The following CALCRL variants were observed in gnomAD, a reference collection of about 807,000 sequenced individuals.
CALCRL encodes calcitonin receptor like receptor.
In CALCRL, 27 loss-of-function variants were observed where a neutral mutation model predicts 60.4. The observed-to-expected ratio is 0.45, with a 90% CI of 0.33 to 0.62. The LOEUF is 0.62. Among genes scored for constraint, CALCRL ranks in the 20% least tolerant of loss-of-function variants. CALCRL has a pLI of 0.03. For missense variants in CALCRL, 424 were observed against 540.7 expected, an observed-to-expected ratio of 0.78 and a Z score of 2.14; for synonymous variants, 190 against 182.6, an observed-to-expected ratio of 1.04 and a Z score of -0.33.
At chr2:187,405,344 A>G (rs1689069974) in intron 1 of CALCRL, among the ~76,000 whole-genome samples, 1 of 152,018 alleles carries the variant, frequency 6.6e-6, no homozygotes, top group African/African-American at 2.4e-5. Flanking sequence ...GTAGGATTTT[A>G]ACATATTTTA....
Position 187,442,326 on chromosome 2 carries a change from A to G in CALCRL, c.-293+5713T>C, listed in dbSNP as rs988537774. ...GCTAACAAAAAGGAGATCCTATGAA[A>G]CTCATGCAACTGTAAGCAAAATGAG... is the stretch of plus-strand genomic sequence containing the variant. On this transcript the variant is annotated intron_variant, in intron 1 of 14. Coordinates refer to ENST00000392370, the MANE Select transcript of CALCRL (RefSeq NM_005795.6). Among the ~76,000 whole-genome samples the G allele has an allele frequency of 2.7e-5, 4 of 150,794 alleles. No homozygotes were observed. The Admixed American group carries it at 2.7e-4, about 10-fold the overall frequency.
chr2:187,439,566 T>C (rs1480958395), intron 1 of CALCRL, among the ~76,000 whole-genome samples: 2 of 151,974 alleles, frequency 1.3e-5, no homozygotes, highest in Non-Finnish European at 2.9e-5. Flanking sequence ...ATGATTAGTA[T>C]TACAGGAAAA....
intron 1 of CALCRL, among the ~76,000 whole-genome samples, chr2:187,410,886 G>A (rs771629200): frequency 3.3e-5 from 5 of 152,018 alleles, no homozygotes; most frequent in Non-Finnish European, 5.9e-5. Flanking sequence ...TGTTGGTGTC[G>A]GGGCAGGGGG....
intron 1 of CALCRL, among the ~76,000 whole-genome samples, chr2:187,394,913 T>A (rs1688596895): frequency 6.6e-6 from 1 of 152,062 alleles, no homozygotes; most frequent in Non-Finnish European, 1.5e-5. Flanking sequence ...ATAATGCTAA[T>A]CAATGCCTGG....
chr2:187,361,460 T>C (rs1240386285), intron 9 of CALCRL, among the ~76,000 whole-genome samples: 1 of 151,922 alleles, frequency 6.6e-6, no homozygotes, highest in Non-Finnish European at 1.5e-5. Context: ...TTCCCAAAAA[T>C]ACATGACCTG....
At chr2:187,404,242 C>G (rs1689018518) in intron 1 of CALCRL, among the ~76,000 whole-genome samples, 2 of 151,796 alleles carry the variant, frequency 1.3e-5, no homozygotes, top group African/African-American at 4.8e-5. Context: ...GACTGTCCCT[C>G]CCTCACCGAA....
chr2:187,391,714 C>A (rs1218776681), intron 1 of CALCRL, among the ~76,000 whole-genome samples: 1 of 151,914 alleles, frequency 6.6e-6, no homozygotes, highest in Non-Finnish European at 1.5e-5. Flanking sequence ...ATTTTAAAAG[C>A]CCTTTATTTC....
At chr2:187,439,126 A>G (rs1690777836) in intron 1 of CALCRL, among the ~76,000 whole-genome samples, 1 of 152,166 alleles carries the variant, frequency 6.6e-6, no homozygotes, top group Non-Finnish European at 1.5e-5. Flanking sequence ...TATTAGTGAA[A>G]TGAAAATCAG....
intron 1 of CALCRL, among the ~76,000 whole-genome samples, chr2:187,410,794 T>G (rs1289389937): frequency 6.6e-6 from 1 of 152,096 alleles, no homozygotes; most frequent in African/African-American, 2.4e-5. Context: ...GAGGTGCATG[T>G]GGGCCTTGAT....
chr2:187,393,034 A>G (rs1688514133), intron 1 of CALCRL, among the ~76,000 whole-genome samples: 1 of 152,158 alleles, frequency 6.6e-6, no homozygotes, highest in Admixed American at 6.6e-5. Context: ...TTATAACTCA[A>G]GCTGTATGTC....
chr2:187,371,110 C>T (rs1476075593), intron 8 of CALCRL, among the ~76,000 whole-genome samples: 6 of 152,002 alleles, frequency 3.9e-5, no homozygotes, highest in African/African-American at 1.4e-4. Context: ...GGCATGGTGG[C>T]GGGCTCCTGC....
At chr2:187,405,965 G>A (rs1485231497) in intron 1 of CALCRL, among the ~76,000 whole-genome samples, 1 of 70,394 alleles carries the variant, frequency 1.4e-5, no homozygotes, top group African/African-American at 4.7e-5. Flanking sequence ...GTAGGGGTGT[G>A]TGTGTGTGTG....
At chr2:187,394,374 C>T (rs530466736) in intron 1 of CALCRL, among the ~76,000 whole-genome samples, 1 of 152,120 alleles carries the variant, frequency 6.6e-6, no homozygotes, top group East Asian at 1.9e-4. Flanking sequence ...AAGAAACAAG[C>T]CAAGGCAACA....
intron 14 of CALCRL, among the ~76,000 whole-genome samples, chr2:187,349,485 T>A: frequency 6.6e-6 from 1 of 151,710 alleles, no homozygotes; most frequent in East Asian, 1.9e-4. Context: ...TGTTTCTTCA[T>A]GTTATGAGAG....
chr2:187,369,049 TATTTCAACCAAGGTGCTCAATG>T (rs750555679), intron 8 of CALCRL, among the ~76,000 whole-genome samples: 22 of 152,064 alleles, frequency 1.4e-4, no homozygotes, highest in Non-Finnish European at 2.2e-4. Flanking sequence ...AGAGGGTGAG[TATTTCAACCAAGGTGCTCAATG>T]AAGGTCCTAG....
chr2:187,422,385 A>AT (rs1326346539), intron 1 of CALCRL, among the ~76,000 whole-genome samples: 7 of 152,028 alleles, frequency 4.6e-5, no homozygotes, highest in Admixed American at 3.3e-4. Context: ...AATAGAATAT[A>AT]TTTTTTCTGA....
At chr2:187,376,205 A>G (rs536206319) in intron 8 of CALCRL, among the ~76,000 whole-genome samples, 27 of 152,306 alleles carry the variant, frequency 1.8e-4, no homozygotes, top group Admixed American at 3.3e-4. Context: ...AGGAAGGCAA[A>G]TGCAAGGTTC....
At chr2:187,373,575 A>G (rs1303649348) in intron 8 of CALCRL, among the ~76,000 whole-genome samples, 1 of 152,204 alleles carries the variant, frequency 6.6e-6, no homozygotes, top group Non-Finnish European at 1.5e-5. Flanking sequence ...ATGGTATAAC[A>G]TACCTACCAG....
intron 1 of CALCRL, among the ~76,000 whole-genome samples, chr2:187,397,831 G>T (rs1480668111): frequency 6.6e-6 from 1 of 151,542 alleles, no homozygotes; most frequent in Non-Finnish European, 1.5e-5. Flanking sequence ...ATTTTAAATT[G>T]GTTATAATAG....
Sources: allele counts gnomAD v4.1 joint callset (sites outside exome capture counted in the v4.1 genomes callset), GRCh38; gene constraint gnomAD v4.1.1; transcripts MANE v1.5; gene names NCBI Gene and HGNC (gene_info 2026-07-23, HGNC 2026-07-21).